The following C1QTNF3 variants were observed in gnomAD, a reference collection of about 807,000 sequenced individuals.
C1QTNF3 encodes complement C1q tumor necrosis factor-related protein 3.
A neutral mutation model predicts 32.6 loss-of-function variants in C1QTNF3; 26 were observed. The observed-to-expected ratio is 0.80, with a 90% CI of 0.58 to 1.11. The LOEUF is 1.11. C1QTNF3 is among the 50% of genes least tolerant of loss of function. The pLI is 0.00. For synonymous variants in C1QTNF3, 155 were observed against 146.0 expected (o/e 1.06, Z -0.44); for missense variants, 362 against 398.2 (o/e 0.91, Z 0.77).
At chr5:34,022,980 C>G in intron 5 of C1QTNF3, among the ~76,000 whole-genome samples, 1 of 152,136 alleles carries the variant, frequency 6.6e-6, no homozygotes, top group Non-Finnish European at 1.5e-5. Flanking sequence ...CTCAGCCTCC[C>G]GAGTAGCTGG....
the C1QTNF3 span, among the ~76,000 whole-genome samples, chr5:34,205,935 T>A: frequency 7.0e-6 from 1 of 142,662 alleles, no homozygotes; most frequent in Non-Finnish European, 1.5e-5. Context: ...ATACACAAGA[T>A]GAGCCTGGGA....
At chr5:34,081,368 A>G in the C1QTNF3 span, among the ~76,000 whole-genome samples, 2 of 151,712 alleles carry the variant, frequency 1.3e-5, no homozygotes, top group Admixed American at 6.6e-5. Context: ...GTAAAGAAAC[A>G]TTTCTTAAAG....
the C1QTNF3 span, among the ~76,000 whole-genome samples, chr5:34,210,793 T>C: frequency 3.3e-3 from 498 of 152,200 alleles, 4 homozygotes; most frequent in African/African-American, 0.011. Flanking sequence ...TAAAACATAA[T>C]TCAGAACAGA....
At chr5:34,091,570 T>C in the C1QTNF3 span, among the ~76,000 whole-genome samples, 14 of 152,272 alleles carry the variant, frequency 9.2e-5, no homozygotes, top group Admixed American at 1.3e-4. Flanking sequence ...TGCTATTTCA[T>C]GACATTTGTA....
At chr5:34,023,814 G>A (rs1182927382) in intron 5 of C1QTNF3, 95 bp downstream of exon 5, 2 of 850,210 alleles carry the variant, frequency 2.4e-6, no homozygotes, top group Admixed American at 4.2e-5. Flanking sequence ...GCCATGTCAG[G>A]CTCTATTGAC....
At chr5:34,134,848 T>C in the C1QTNF3 span, among the ~76,000 whole-genome samples, 15 of 152,312 alleles carry the variant, frequency 9.8e-5, no homozygotes, top group African/African-American at 3.4e-4. Context: ...TTTCTAAATA[T>C]ACAACCATGT....
upstream of C1QTNF3, among the ~76,000 whole-genome samples, chr5:34,045,052 C>T (rs887232388): frequency 3.3e-5 from 5 of 152,124 alleles, no homozygotes; most frequent in Non-Finnish European, 7.4e-5. Flanking sequence ...TGGGGGTGTT[C>T]CCTCCTCAGG....
the C1QTNF3 span, chr5:34,175,993 C>A: frequency 6.6e-6 from 5 of 754,202 alleles, no homozygotes; most frequent in Non-Finnish European, 7.3e-6. Context: ...TAAGAACTGG[C>A]AGAATTGTAA....
the C1QTNF3 span, among the ~76,000 whole-genome samples, chr5:34,080,754 T>G: frequency 6.6e-6 from 1 of 151,790 alleles, no homozygotes; most frequent in Non-Finnish European, 1.5e-5. Context: ...CTTGTCCTCT[T>G]TTGTTAACAG....
At chr5:34,214,781 T>C in the C1QTNF3 span, among the ~76,000 whole-genome samples, 35 of 152,276 alleles carry the variant, frequency 2.3e-4, no homozygotes, top group South Asian at 7.2e-3. Flanking sequence ...ACTGTAACAA[T>C]TGTAAATGCA....
At chr5:34,063,155 A>G in the C1QTNF3 span, among the ~76,000 whole-genome samples, 1 of 152,104 alleles carries the variant, frequency 6.6e-6, no homozygotes. Flanking sequence ...AAGGTTTTAA[A>G]TTGATCCTGG....
At chr5:34,158,356 C>T in the C1QTNF3 span, 3 of 152,214 alleles carry the variant, frequency 2.0e-5, no homozygotes, top group Admixed American at 6.5e-5. Context: ...ATCCACCCGC[C>T]GCGGCCTCCC....
the C1QTNF3 span, among the ~76,000 whole-genome samples, chr5:34,203,206 A>G: frequency 6.6e-6 from 1 of 152,250 alleles, no homozygotes; most frequent in Non-Finnish European, 1.5e-5. Context: ...GCAACACAAC[A>G]GATTTCCACC....
chr5:34,022,470 G>C (rs1049562928), intron 5 of C1QTNF3, among the ~76,000 whole-genome samples: 1 of 152,188 alleles, frequency 6.6e-6, no homozygotes, highest in Non-Finnish European at 1.5e-5. Context: ...TGATAAAAAG[G>C]ACTACTCATT....
the C1QTNF3 span, among the ~76,000 whole-genome samples, chr5:34,095,213 C>A: frequency 1.3e-5 from 2 of 151,860 alleles, no homozygotes; most frequent in Admixed American, 1.3e-4. Flanking sequence ...TATTTGTACC[C>A]TTTAACCAAC....
the C1QTNF3 span, among the ~76,000 whole-genome samples, chr5:34,127,395 T>G: frequency 6.6e-6 from 1 of 151,898 alleles, no homozygotes; most frequent in Non-Finnish European, 1.5e-5. Flanking sequence ...CAGATAGAGA[T>G]GAGGAACTTA....
the C1QTNF3 span, among the ~76,000 whole-genome samples, chr5:34,105,017 T>C: frequency 1.3e-5 from 2 of 152,250 alleles, no homozygotes; most frequent in African/African-American, 4.8e-5. Flanking sequence ...CAGAATTACA[T>C]CTCTATCTTT....
chr5:34,240,319 A>T, the C1QTNF3 span, among the ~76,000 whole-genome samples: 1 of 152,068 alleles, frequency 6.6e-6, no homozygotes, highest in African/African-American at 2.4e-5. Flanking sequence ...CAAAAATCCT[A>T]CAAAAGATTA....
the C1QTNF3 span, among the ~76,000 whole-genome samples, chr5:34,057,615 C>T: frequency 2.6e-5 from 4 of 152,148 alleles, no homozygotes; most frequent in East Asian, 1.9e-4. Flanking sequence ...ACCTTTCAAC[C>T]GTTCTAGAAT....
Sources: gnomAD v4.1 joint callset for allele counts (sites outside exome capture counted in the v4.1 genomes callset) on GRCh38, gnomAD v4.1.1 for gene constraint, MANE v1.5 for transcripts, NCBI Gene and HGNC (gene_info 2026-07-23, HGNC 2026-07-21) for gene names.